The following TTN variants were observed in gnomAD, a reference collection of about 807,000 sequenced individuals.
The protein encoded by TTN is connectin.
TTN carries 1,525 observed loss-of-function variants against 3,223.0 expected under a neutral mutation model. The ratio of observed to expected loss-of-function variants is 0.47; its 90% confidence interval spans 0.45 to 0.49. TTN has a LOEUF of 0.49. TTN is among the 20% of genes least tolerant of loss of function. TTN has a pLI of 0.00. For missense variants in TTN, 40,786 were observed against 43,424.0 expected, an observed-to-expected ratio of 0.94 and a Z score of 5.40; for synonymous variants, 14,094 against 15,161.0, an observed-to-expected ratio of 0.93 and a Z score of 5.17.
chr2:178,687,188 T>C (rs1217555571), intron 127 of TTN, among the ~76,000 whole-genome samples: 1 of 152,240 alleles, frequency 6.6e-6, no homozygotes, highest in Non-Finnish European at 1.5e-5. Flanking sequence ...TGTACTTCAA[T>C]TCTACTCATC....
rs2079970402 is a variant in TTN, at chr2:178,729,345, A to C, written c.18811T>G (p.Cys6271Gly). The C allele has an allele frequency of 6.2e-7, 1 of 1,613,536 alleles. No homozygotes were observed. The highest frequency in any genetic ancestry group is 8.5e-7 in the Non-Finnish European group (1 of 1,179,600). Residue 6271 changes from cysteine (C) to glycine (G), a missense_variant, in exon 64 of 363, where the codon TGC (cysteine) becomes GGC (glycine). Coordinates refer to ENST00000589042, the MANE Select transcript of TTN (RefSeq NM_001267550.2). Reference sequence around the variant, plus strand: ...CTGCCGCCTTCATTGGATACAATGCACTGGTATTCCCCAGTGTCTGAAGGG... The same window carrying C: ...CTGCCGCCTTCATTGGATACAATGCCCTGGTATTCCCCAGTGTCTGAAGGG... ...CDPSDTGEYQ[C>G]IVSNEGGSCS...
chr2:178,592,594 A>C lies in TTN; in HGVS notation c.59411T>G (p.Leu19804Arg). The change falls in exon 301 of 363, where the codon CTA becomes CGA. Residue 19804 changes from leucine to arginine, a missense_variant. Transcript: ENST00000589042. ...TCCTTTGATGATGGCACTAAGTCTTAGAGTATCACCAACTTTAATGTGTTG... is the reference window on the plus strand; with the variant it reads ...TCCTTTGATGATGGCACTAAGTCTTCGAGTATCACCAACTTTAATGTGTTG... ...REQHIKVGDT[L>R]RLSAIIKGVP... The C allele has an allele frequency of 6.2e-7, 1 of 1,613,488 alleles. No homozygotes were observed. Among genetic ancestry groups the C allele is most frequent in the Non-Finnish European group, 8.5e-7 (1 of 1,179,612 alleles).
chr2:178,534,242 C>G lies in TTN; in HGVS notation c.102373G>C (p.Val34125Leu), dbSNP rs765603620. The G allele has an allele frequency of 3.7e-6, 6 of 1,613,982 alleles. No homozygotes were observed. In the South Asian group the frequency reaches 6.6e-5, roughly 18 times the overall value. The change falls in exon 358 of 363, where the codon GTT (valine) becomes CTT (leucine). Residue 34125 changes from valine to leucine, a missense_variant. By Grantham distance (32) the Val-to-Leu change is conservative. Coordinates refer to ENST00000589042, the MANE Select transcript of TTN (RefSeq NM_001267550.2). ...ATGGATGCCACTTTAACTTTAGCAA[C>G]ACTCACTCCCTTCTGAGATCGAATT... is the stretch of plus-strand genomic sequence containing the variant. ...GAIRSQKGVSVAKVKVASIEI... is the reference protein window; with the variant it reads ...GAIRSQKGVSLAKVKVASIEI...
Position 178,691,930 on chromosome 2 carries a change from A to C in TTN, c.31762+86T>G, listed in dbSNP as rs1012752394. On this transcript the variant is annotated intron_variant, in intron 121 of 362. Coordinates refer to ENST00000589042, the MANE Select transcript of TTN (RefSeq NM_001267550.2). ...AGAATGTAAAAGAGACAAAAGACAA[A>C]GGCAGCATAGTACATATGAAGATCG... 1.6e-5 allele frequency: 17 copies of C among 1,084,808 alleles called. No homozygotes were observed. In the South Asian group the frequency reaches 3.2e-4, roughly 20 times the overall value. The allele number at this position is 1,084,808 out of a possible 1,614,324, so 67.2% of individuals were successfully genotyped here.
rs759672249 is a variant in TTN, at chr2:178,584,414, G to A, written c.65137C>T (p.Leu21713Phe). ...SLLWVKANDT[L>F]VRSTEYPCAG... ...CAAGGATATTCAGTTGACCGGACAA[G>A]AGTATCATTGGCTTTCACCCACAGC... The change falls in exon 311 of 363, where the codon CTT becomes TTT. Residue 21713 changes from leucine to phenylalanine, a missense_variant. Leu to Phe is a conservative substitution (Grantham distance 22, BLOSUM62 0). Transcript: ENST00000589042. 6.2e-7 allele frequency: 1 copy of A among 1,613,350 alleles called. No individual in the cohort carries two copies. Among genetic ancestry groups the A allele is most frequent in the Admixed American group, 1.7e-5 (1 of 59,982 alleles).
In TTN at chr2:178,770,097, G is replaced by A. The variant is rs753733308; in HGVS notation, c.8604C>T (p.Val2868=). The A allele has an allele frequency of 8.7e-6, 14 of 1,613,938 alleles. No homozygotes were observed. The highest frequency in any genetic ancestry group is 4.4e-5 in the South Asian group (4 of 91,048). ...GTTTTGCTTTGCATTCCAATTGCCC[G>A]ACCACAGCTGTGTATTCCCCAGCAT... ...PSDAGEYTAV[V]GQLECKAKLF... Residue 2868 remains valine, a synonymous_variant, in exon 36 of 363, where the codon GTC becomes GTT. Transcript: ENST00000589042.
In TTN at chr2:178,546,006, T is replaced by C. The variant is rs749403545; in HGVS notation, c.95230A>G (p.Ile31744Val). The change falls in exon 343 of 363, where the codon ATC (isoleucine) becomes GTC (valine). Residue 31744 changes from isoleucine (I) to valine (V), a missense_variant. By Grantham distance (29) the Ile-to-Val change is conservative. Coordinates refer to ENST00000589042, the MANE Select transcript of TTN (RefSeq NM_001267550.2). ...CTGCTAGTCTCGCGTCTTTCCACGATGTAGTGAGTGATTTCTGCTCCTCCG... is the reference window on the plus strand; with the variant it reads ...CTGCTAGTCTCGCGTCTTTCCACGACGTAGTGAGTGATTTCTGCTCCTCCG... ...EDGGAEITHY[I>V]VERRETSRLN... 15 of 1,613,708 alleles carry C rather than the reference T, an allele frequency of 9.3e-6. No individual in the cohort carries two copies. Among genetic ancestry groups the C allele is most frequent in the African/African-American group, 2.7e-5 (2 of 74,920 alleles).
chr2:178,545,870 C>T lies in TTN; in HGVS notation c.95366G>A (p.Gly31789Asp). Residue 31789 changes from glycine (G) to aspartate (D), a missense_variant, in exon 343 of 363, where the codon GGC becomes GAC. By Grantham distance (94) the Gly-to-Asp change is moderately conservative (BLOSUM62 -1). Transcript: ENST00000589042. ...IFRVRAVNKY[G>D]PGVPVESEPI... ...CTCTGATTCAACAGGCACACCAGGG[C>T]CATATTTGTTTACTGCCCTCACTCG... 1.9e-6 allele frequency: 3 copies of T among 1,613,838 alleles called. No homozygotes were observed. The highest frequency in any genetic ancestry group is 1.7e-6 in the Non-Finnish European group (2 of 1,179,776).
chr2:178,577,577 T>G, intron 323 of TTN, 25 bp downstream of exon 323: 1 of 1,554,320 alleles, frequency 6.4e-7, no homozygotes, highest in South Asian at 1.2e-5. Flanking sequence ...AAAAAAAAAG[T>G]ACATAAAAAG....
At chr2:178,747,895 C>T in intron 47 of TTN, 1 of 1,613,152 alleles carries the variant, frequency 6.2e-7, no homozygotes, top group Non-Finnish European at 8.5e-7. Context: ...CTTCAGTCAT[C>T]AAGAGTGGGA....
At position 178,545,388 on chromosome 2, in the gene TTN, A is replaced by T. The variant is rs199781261; in HGVS notation, c.95722T>A (p.Tyr31908Asn). 6.4e-7 allele frequency: 1 copy of T among 1,555,026 alleles called. No individual in the cohort carries two copies. The highest frequency in any genetic ancestry group is 8.7e-7 in the Non-Finnish European group (1 of 1,148,706). ...SNFISCREPS[Y>N]TPGPPSAPRV... The stretch of plus-strand genomic sequence containing the variant: ...TTTATGTATGATTCTTGGAGCTCAC[A>T]TGATGGTTCTCTGCATGAGATGAAG... The change falls in exon 344 of 363, where the codon TAT becomes AAT. Residue 31908 changes from tyrosine (Y) to asparagine (N), a missense_variant and splice_region_variant. Tyr to Asn is a moderately radical substitution (Grantham distance 143). Coordinates refer to ENST00000589042, the MANE Select transcript of TTN (RefSeq NM_001267550.2).
chr2:178,545,463 C>T lies in TTN; in HGVS notation c.95647G>A (p.Val31883Met), dbSNP rs72648262. Residue 31883 changes from valine to methionine, a missense_variant, in exon 344 of 363, where the codon GTG becomes ATG. Coordinates refer to ENST00000589042, the MANE Select transcript of TTN (RefSeq NM_001267550.2). ...TTACCAGCTGCATTCACTGCGGTCA[C>T]CCGGAACTGGTAATCACAACCCTCC... The part of the protein sequence containing the change: ...LMEGCDYQFR[V>M]TAVNAAGNSE... The T allele has an allele frequency of 1.2e-5, 19 of 1,612,950 alleles. No individual in the cohort carries two copies. The highest frequency in any genetic ancestry group is 3.3e-4 in the Middle Eastern group (2 of 6,048).
intron 52 of TTN, 56 bp from the exon 53 acceptor site, chr2:178,733,948 C>T (rs1180314250): frequency 2.0e-6 from 3 of 1,472,308 alleles, no homozygotes; most frequent in Non-Finnish European, 2.7e-6. Flanking sequence ...CTTTCAACAC[C>T]ATCTATATTT....
In TTN at chr2:178,619,876, C is replaced by G; in HGVS notation, c.46441G>C (p.Glu15481Gln). The G allele has an allele frequency of 1.2e-6, 2 of 1,607,112 alleles. No homozygotes were observed. Among genetic ancestry groups the G allele is most frequent in the Non-Finnish European group, 1.7e-6 (2 of 1,177,860 alleles). The change falls in exon 250 of 363, where the codon GAG becomes CAG. Residue 15481 changes from glutamate to glutamine, a missense_variant. Coordinates refer to ENST00000589042, the MANE Select transcript of TTN (RefSeq NM_001267550.2). ...ATATCTTGTGGAGGCCTGATGATCT[C>G]AACAGGAATTTCTGGAAAGAAAATG... ...ARLFVEEIPV[E>Q]IIRPPQDILE...
chr2:178,781,079 T>C, intron 21 of TTN, 42 bp downstream of exon 21: 2 of 1,613,284 alleles, frequency 1.2e-6, no homozygotes, highest in Non-Finnish European at 1.7e-6. Flanking sequence ...CTCCTTGTAT[T>C]TCAGTTCTTA....
rs746715340 is a variant in TTN, at chr2:178,723,074, A to T, written c.21933T>A (p.Asp7311Glu). 1 of 1,613,554 alleles carries T rather than the reference A, an allele frequency of 6.2e-7. No homozygotes were observed. The highest frequency in any genetic ancestry group is 8.5e-7 in the Non-Finnish European group (1 of 1,179,644). ...SCEIENEAGR[D>E]VCGALVSTLE... ...ATGTAGATACCAGAGCTCCACAAACATCCCTTCCTGCCTCATTTTCAATCT... is the reference window on the plus strand; with the variant it reads ...ATGTAGATACCAGAGCTCCACAAACTTCCCTTCCTGCCTCATTTTCAATCT... Residue 7311 changes from aspartate (D) to glutamate (E), a missense_variant, in exon 75 of 363, where the codon GAT becomes GAA. Transcript: ENST00000589042.
rs2049834334 is a variant in TTN, at chr2:178,589,833, T to C, written c.61892A>G (p.Asn20631Ser). The change falls in exon 304 of 363, where the codon AAC (asparagine) becomes AGC (serine). Residue 20631 changes from asparagine to serine, a missense_variant. Transcript: ENST00000589042. ...SDVTKRLIKANLLANNEYYFR... is the reference protein window; with the variant it reads ...SDVTKRLIKASLLANNEYYFR... ...ATAGTATTCATTGTTGGCTAAAAGG[T>C]TGGCCTTGATTAATCGTTTAGTGAC... is the stretch of plus-strand genomic sequence containing the variant. 6.2e-7 allele frequency: 1 copy of C among 1,613,544 alleles called. No individual in the cohort carries two copies.
chr2:178,710,019 C>T (rs1402835925), intron 98 of TTN, among the ~76,000 whole-genome samples, 163 bp from the exon 99 acceptor site: 5 of 152,212 alleles, frequency 3.3e-5, no homozygotes, highest in African/African-American at 1.2e-4. Context: ...CCTCCTTCTA[C>T]GAGCTTATTC....
rs886042390 is a variant in TTN, at chr2:178,529,227, A to G, written c.106532-8T>C. On this transcript the variant is annotated splice_region_variant and splice_polypyrimidine_tract_variant and intron_variant, in intron 359 of 362. Transcript: ENST00000589042. ...CCTCAGTATCTTTTATAGCTAAAAA[A>G]GAAACCTCTGTAAGGCAAACTTAAT... 6.9e-7 allele frequency: 1 copy of G among 1,452,702 alleles called. No individual in the cohort carries two copies. The highest frequency in any genetic ancestry group is 1.5e-5 in the South Asian group (1 of 67,220). 90.0% of individuals were successfully genotyped at this position (1,452,702 alleles called of 1,614,324 possible).
Sources: gnomAD v4.1 joint callset for allele counts (sites outside exome capture counted in the v4.1 genomes callset) on GRCh38, gnomAD v4.1.1 for gene constraint, MANE v1.5 for transcripts, NCBI Gene and HGNC (gene_info 2026-07-23, HGNC 2026-07-21) for gene names.